Variants in DNHD1 observed in about 807,000 individuals in gnomAD.
DNHD1 encodes dynein heavy chain domain 1, also known as dynein heavy chain domain-containing protein 1.
A neutral mutation model predicts 458.1 loss-of-function variants in DNHD1; 383 were observed. The ratio of observed to expected loss-of-function variants is 0.84; its 90% confidence interval spans 0.77 to 0.91. The LOEUF (loss-of-function observed/expected upper bound fraction) is 0.91. DNHD1 is among the 40% of genes least tolerant of loss of function. DNHD1 has a pLI of 0.00. For missense variants in DNHD1, 5,336 were observed against 5,866.1 expected (o/e 0.91, Z 2.95); for synonymous variants, 2,203 against 2,376.9 (o/e 0.93, Z 2.13).
intron 19 of DNHD1, 112 bp from the exon 20 acceptor site, chr11:6,544,462 G>A: frequency 9.6e-7 from 1 of 1,045,988 alleles, no homozygotes; most frequent in East Asian, 2.6e-5. Flanking sequence ...GCTGGGCAGA[G>A]TATTTTGCTT....
At chr11:6,568,961 G>C in intron 39 of DNHD1, 95 bp downstream of exon 39, 1 of 1,395,918 alleles carries the variant, frequency 7.2e-7, no homozygotes, top group Non-Finnish European at 9.5e-7. Context: ...TTCATCTTTG[G>C]AAGCTCCAAA....
At chr11:6,528,434 T>C in intron 10 of DNHD1, 88 bp from the exon 11 acceptor site, 1 of 1,311,594 alleles carries the variant, frequency 7.6e-7, no homozygotes, top group South Asian at 1.5e-5. Context: ...TGTGTGTGTG[T>C]GTACACACAC....
chr11:6,550,193 A>C (rs1049095790), intron 24 of DNHD1, among the ~76,000 whole-genome samples: 9 of 152,234 alleles, frequency 5.9e-5, no homozygotes, highest in Non-Finnish European at 1.2e-4. Flanking sequence ...AATTATTTTA[A>C]AGATGAAGAA....
rs1399715467 is a variant in DNHD1, at chr11:6,539,326, G to A, written c.3420+13G>A. 6.5e-7 allele frequency: 1 copy of A among 1,541,600 alleles called. No homozygotes were observed. The highest frequency in any genetic ancestry group is 8.8e-7 in the Non-Finnish European group (1 of 1,138,030). ...TCGAATCAACCAGGTGGGGCCCTCA[G>A]TACAGGGGCGAGGGAGGTGGTCCAA... is the stretch of plus-strand genomic sequence containing the variant. On this transcript the variant is annotated intron_variant, in intron 17 of 42. Transcript: ENST00000254579.
chr11:6,540,102 G>T lies in DNHD1; in HGVS notation c.3628+19G>T. ...CTCTCAGGTGAGACCCAGACCTTGT[G>T]ACCTAGTGAAAGCCCCCTGCTGGGG... is the stretch of plus-strand genomic sequence containing the variant. On this transcript the variant is annotated intron_variant, in intron 18 of 42. Transcript: ENST00000254579. 6.5e-7 allele frequency: 1 copy of T among 1,548,056 alleles called. No individual in the cohort carries two copies. Among genetic ancestry groups the T allele is most frequent in the South Asian group, 1.2e-5 (1 of 83,958 alleles).
Position 6,568,169 on chromosome 11 carries a change from C to T in DNHD1, c.12465C>T (p.Asp4155=). ...ATGAGGGGCACTGGCTGGTGCTGGA[C>T]AACTGTCATCTGATGCCCCATTGGC... is the stretch of plus-strand genomic sequence containing the variant. ...AMYEGHWLVL[D]NCHLMPHWPK... The change falls in exon 37 of 43, where the codon GAC becomes GAT. Residue 4155 remains aspartate, a synonymous_variant. Coordinates refer to ENST00000254579, the MANE Select transcript of DNHD1 (RefSeq NM_144666.3). 4 of 1,554,052 alleles carry T rather than the reference C, an allele frequency of 2.6e-6. No individual in the cohort carries two copies. Among genetic ancestry groups the T allele is most frequent in the Non-Finnish European group, 3.5e-6 (4 of 1,148,216 alleles).
Position 6,546,933 on chromosome 11 carries a change from G to A in DNHD1, c.5994G>A (p.Lys1998=), listed in dbSNP as rs1853232574. The change falls in exon 21 of 43, where the codon AAG becomes AAA. Residue 1998 remains lysine (K), a synonymous_variant. Transcript: ENST00000254579. ...ILLLGPAGSG[K]TTCWHSLFKI... ...TCCTGGGCCCTGCGGGCAGCGGCAA[G>A]ACCACTTGTTGGCACAGCTTATTTA... The A allele has an allele frequency of 1.3e-6, 2 of 1,551,586 alleles. No individual in the cohort carries two copies. Among genetic ancestry groups the A allele is most frequent in the East Asian group, 2.4e-5 (1 of 40,898 alleles).
At chr11:6,519,165 C>T (rs1852550899) in intron 7 of DNHD1, among the ~76,000 whole-genome samples, 1 of 152,198 alleles carries the variant, frequency 6.6e-6, no homozygotes, top group Non-Finnish European at 1.5e-5. Context: ...TCTATTATAA[C>T]ATAAACCAAT....
rs1178467685 is a variant in DNHD1, at chr11:6,547,331, C to A, written c.6392C>A (p.Thr2131Lys). 6 of 1,551,688 alleles carry A rather than the reference C, an allele frequency of 3.9e-6. No homozygotes were observed. The African/African-American group carries it at 4.1e-5, about 11-fold the overall frequency. ...GTFLLMEVAD[T>K]TGISPTVVGC... ...TTTCTCTTGATGGAGGTGGCTGACACAACAGGCATATCCCCCACAGTGGTA... is the reference window on the plus strand; with the variant it reads ...TTTCTCTTGATGGAGGTGGCTGACAAAACAGGCATATCCCCCACAGTGGTA... Residue 2131 changes from threonine (T) to lysine (K), a missense_variant, in exon 21 of 43, where the codon ACA becomes AAA. Transcript: ENST00000254579.
chr11:6,551,708 C>T lies in DNHD1; in HGVS notation c.7387+2775C>T, dbSNP rs577115022. Among the ~76,000 whole-genome samples the T allele has an allele frequency of 8.6e-5, 13 of 151,836 alleles. No homozygotes were observed. In the East Asian group the frequency reaches 1.6e-3, roughly 18 times the overall value. ...CTGTAATCCCGGCACTTTGGGAGGCCAAGGAGGGCAGATCACGAGGTCAGG... is the reference window on the plus strand; with the variant it reads ...CTGTAATCCCGGCACTTTGGGAGGCTAAGGAGGGCAGATCACGAGGTCAGG... On this transcript the variant is annotated intron_variant, in intron 24 of 42. Transcript: ENST00000254579.
Position 6,570,856 on chromosome 11 carries a change from G to A in DNHD1, c.13344G>A (p.Arg4448=), listed in dbSNP as rs769451140. 1 of 1,614,058 alleles carries A rather than the reference G, an allele frequency of 6.2e-7. No homozygotes were observed. The highest frequency in any genetic ancestry group is 8.5e-7 in the Non-Finnish European group (1 of 1,179,898). Residue 4448 remains arginine, a synonymous_variant, in exon 42 of 43, where the codon CGG becomes CGA. Transcript: ENST00000254579. ...GGCAACGCCTAGTGCAAGTCAACCG[G>A]AGGCTGGAGTCACTGCAGGATCTGC... The part of the protein sequence containing the change: ...RLRQRLVQVN[R]RLESLQDLLT...
intron 18 of DNHD1, among the ~76,000 whole-genome samples, chr11:6,541,672 C>T (rs920314939): frequency 1.3e-5 from 2 of 152,130 alleles, no homozygotes; most frequent in African/African-American, 4.8e-5. Context: ...TACTCAATAA[C>T]ATGAAAACAA....
In DNHD1 at chr11:6,538,774, C is replaced by A; in HGVS notation, c.3289C>A (p.His1097Asn). 1 of 1,535,038 alleles carries A rather than the reference C, an allele frequency of 6.5e-7. No homozygotes were observed. Among genetic ancestry groups the A allele is most frequent in the Non-Finnish European group, 8.8e-7 (1 of 1,137,018 alleles). The change falls in exon 16 of 43, where the codon CAC (histidine) becomes AAC (asparagine). Residue 1097 changes from histidine to asparagine, a missense_variant. Physicochemically the swap from His to Asn is moderately conservative, Grantham distance 68 (BLOSUM62 1). Transcript: ENST00000254579. ...LPLLTKLGSL[H>N]PQSLNCQCLL... ...CCTGCTCACTAAGCTGGGCAGCCTC[C>A]ACCCACAGAGCCTCAACTGCCAGTG... is the stretch of plus-strand genomic sequence containing the variant.
At chr11:6,538,256 T>TG in intron 14 of DNHD1, 127 bp from the exon 15 acceptor site, 1 of 706,592 alleles carries the variant, frequency 1.4e-6, no homozygotes. Flanking sequence ...GAACTCCACC[T>TG]CCCCCACCCC....
chr11:6,502,947 C>T, intron 4 of DNHD1, 21 bp downstream of exon 4: 1 of 1,607,158 alleles, frequency 6.2e-7, no homozygotes, highest in Middle Eastern at 1.7e-4. Flanking sequence ...ATGTCCAGGC[C>T]CCTTCTCCTC....
At position 6,522,914 on chromosome 11, in the gene DNHD1, C is replaced by T. The variant is rs2555142; in HGVS notation, c.1837+2625C>T. 6.5e-3 allele frequency among the ~76,000 whole-genome samples: 991 copies of T among 152,278 alleles called. 13 individuals are homozygous for T. Among genetic ancestry groups the T allele is most frequent in the African/African-American group, 0.023 (945 of 41,548 alleles). On this transcript the variant is annotated intron_variant, in intron 10 of 42. Coordinates refer to ENST00000254579, the MANE Select transcript of DNHD1 (RefSeq NM_144666.3). ...TTGCAACATATTCTCCAGTCTTAAA[C>T]GGCGTTCTCCAATATTTTCCAGAGA... is the stretch of plus-strand genomic sequence containing the variant.
At chr11:6,539,182 A>C (rs774446831) in intron 16 of DNHD1, 37 bp from the exon 17 acceptor site, 2 of 1,415,868 alleles carry the variant, frequency 1.4e-6, no homozygotes, top group South Asian at 2.5e-5. Context: ...TCTGCCACAT[A>C]CTGGGTGTTG....
Position 6,568,057 on chromosome 11 carries a change from G to T in DNHD1, c.12353G>T (p.Gly4118Val). 6.4e-7 allele frequency: 1 copy of T among 1,565,832 alleles called. No individual in the cohort carries two copies. Among genetic ancestry groups the T allele is most frequent in the Non-Finnish European group, 8.7e-7 (1 of 1,153,660 alleles). ...TGCCATCTCTTTTTTGGTCCCCAGG[G>T]GCAGAAGCAACTGCAGGTGATAGCC... ...IQKLAAKYQQ[G>V]QKQLQVIALG... The change falls in exon 37 of 43, where the codon GGG becomes GTG. Residue 4118 changes from glycine (G) to valine (V), a missense_variant and splice_region_variant. This residue lies in a region of DNHD1 where 695 missense variants were observed against 804.2 expected (regional missense o/e 0.86). Coordinates refer to ENST00000254579, the MANE Select transcript of DNHD1 (RefSeq NM_144666.3).
rs878939834 is a variant in DNHD1 at position 6,540,009 on chromosome 11, G to A, written c.3554G>A (p.Arg1185His). 2.3e-5 allele frequency: 36 copies of A among 1,551,608 alleles called. No individual in the cohort carries two copies. The East Asian group carries it at 4.9e-4, about 21-fold the overall frequency. The change falls in exon 18 of 43, where the codon CGC becomes CAC. Residue 1185 changes from arginine (R) to histidine (H), a missense_variant. By Grantham distance (29) the Arg-to-His change is conservative. Coordinates refer to ENST00000254579, the MANE Select transcript of DNHD1 (RefSeq NM_144666.3). The stretch of plus-strand genomic sequence containing the variant: ...CCCTACGAGCCCCCAGCCTCAGAGC[G>A]CTCCAAGAGGCAGGTGCTCCGCAGC... ...HVPYEPPASE[R>H]SKRQVLRSPQ...
Sources: allele counts gnomAD v4.1 joint callset (sites outside exome capture counted in the v4.1 genomes callset), GRCh38; gene constraint gnomAD v4.1.1; regional missense constraint gnomAD v4.1.1; transcripts MANE v1.5; gene names NCBI Gene and HGNC (gene_info 2026-07-23, HGNC 2026-07-21).